The following PTTG1IP2 variants were observed in gnomAD, a reference collection of about 807,000 sequenced individuals.
The protein encoded by PTTG1IP2 is PTTG1IP family member 2.
intron 4 of PTTG1IP2, among the ~76,000 whole-genome samples, 192 bp downstream of exon 4, chr7:90,489,156 C>T (rs868051561): frequency 2.0e-4 from 30 of 151,306 alleles, no homozygotes; most frequent in African/African-American, 6.3e-4. Flanking sequence ...CTTTCTCATC[C>T]CCCACCCCAC....
chr7:90,498,096 G>A (rs1239300412), intron 6 of PTTG1IP2, among the ~76,000 whole-genome samples: 1 of 151,982 alleles, frequency 6.6e-6, no homozygotes, highest in Non-Finnish European at 1.5e-5. Context: ...CACGATCTCG[G>A]CTCACTGCAA....
chr7:90,501,738 A>G (rs1798064210), intron 6 of PTTG1IP2, among the ~76,000 whole-genome samples: 2 of 152,092 alleles, frequency 1.3e-5, no homozygotes, highest in African/African-American at 4.8e-5. Flanking sequence ...AAGTCACAAC[A>G]TTTTTTCTAG....
At chr7:90,472,087 A>G (rs535539421) in intron 1 of PTTG1IP2, among the ~76,000 whole-genome samples, 1 of 152,162 alleles carries the variant, frequency 6.6e-6, no homozygotes, top group Non-Finnish European at 1.5e-5. Context: ...ATAAAATGCC[A>G]TAAAACTGTA....
At chr7:90,471,036 C>G (rs1797679701) in intron 1 of PTTG1IP2, among the ~76,000 whole-genome samples, 1 of 151,610 alleles carries the variant, frequency 6.6e-6, no homozygotes, top group South Asian at 2.1e-4. Flanking sequence ...AGATAATCTC[C>G]AAAGATGGAA....
At chr7:90,475,765 C>G (rs1382328133) in intron 1 of PTTG1IP2, among the ~76,000 whole-genome samples, 1 of 151,968 alleles carries the variant, frequency 6.6e-6, no homozygotes, top group Non-Finnish European at 1.5e-5. Context: ...TAGAGACCAT[C>G]CTGGCCAACA....
chr7:90,479,291 A>G lies in PTTG1IP2; in HGVS notation c.192+17A>G, dbSNP rs962076102. On this transcript the variant is annotated intron_variant, in intron 2 of 6. Coordinates refer to ENST00000509356, the MANE Select transcript of PTTG1IP2 (RefSeq NM_001365443.2). ...GATAAGAAAGTAAGTTAACTTTCTT[A>G]TGAGGAAGTTGTTCTGGGAATGTTA... The G allele has an allele frequency of 6.6e-6, 1 of 152,630 alleles. No homozygotes were observed. The highest frequency in any genetic ancestry group is 2.4e-5 in the African/African-American group (1 of 41,446). 9.5% of individuals were successfully genotyped at this position (152,630 alleles called of 1,614,324 possible).
intron 2 of PTTG1IP2, among the ~76,000 whole-genome samples, chr7:90,486,857 A>G (rs1474642512): frequency 6.6e-6 from 1 of 152,236 alleles, no homozygotes; most frequent in Non-Finnish European, 1.5e-5. Context: ...GCTCTTCAGC[A>G]AAAATCCTAT....
At chr7:90,475,845 G>C (rs1242844324) in intron 1 of PTTG1IP2, among the ~76,000 whole-genome samples, 1 of 151,868 alleles carries the variant, frequency 6.6e-6, no homozygotes, top group East Asian at 1.9e-4. Flanking sequence ...TGTAGTCCCA[G>C]CTACTTGGGA....
intron 2 of PTTG1IP2, among the ~76,000 whole-genome samples, chr7:90,487,055 G>T (rs1042736144): frequency 1.3e-5 from 2 of 152,160 alleles, no homozygotes; most frequent in African/African-American, 4.8e-5. Flanking sequence ...CTGGCCTGGA[G>T]AAATAGTAAC....
intron 6 of PTTG1IP2, among the ~76,000 whole-genome samples, chr7:90,512,475 G>A (rs1456141393): frequency 1.3e-5 from 2 of 152,180 alleles, no homozygotes; most frequent in Non-Finnish European, 2.9e-5. Flanking sequence ...CCGGGTGGAG[G>A]CTCCAAGGAG....
chr7:90,480,100 G>T (rs1797799131), intron 2 of PTTG1IP2, among the ~76,000 whole-genome samples: 1 of 152,136 alleles, frequency 6.6e-6, no homozygotes, highest in African/African-American at 2.4e-5. Flanking sequence ...TCTTTATACA[G>T]TACTGGTGGG....
At chr7:90,504,654 G>C (rs1021145717) in intron 6 of PTTG1IP2, among the ~76,000 whole-genome samples, 1 of 152,138 alleles carries the variant, frequency 6.6e-6, no homozygotes, top group African/African-American at 2.4e-5. Flanking sequence ...TAGATGATCA[G>C]AAAGATCACT....
At chr7:90,503,150 C>A (rs1345953594) in intron 6 of PTTG1IP2, among the ~76,000 whole-genome samples, 1 of 152,206 alleles carries the variant, frequency 6.6e-6, no homozygotes. Context: ...GAGATGGCTT[C>A]TTTCCTTCAA....
At chr7:90,472,007 C>A (rs1428916493) in intron 1 of PTTG1IP2, among the ~76,000 whole-genome samples, 3 of 152,088 alleles carry the variant, frequency 2.0e-5, no homozygotes, top group South Asian at 2.1e-4. Context: ...GATATTCTAA[C>A]AAAGCCTGGC....
chr7:90,472,753 T>G (rs145673746), intron 1 of PTTG1IP2, among the ~76,000 whole-genome samples: 1 of 152,354 alleles, frequency 6.6e-6, no homozygotes, highest in Admixed American at 6.5e-5. Flanking sequence ...ATCTCGGTAC[T>G]AAGTTCCCAG....
At chr7:90,473,593 G>A (rs186735249) in intron 1 of PTTG1IP2, among the ~76,000 whole-genome samples, 1 of 152,286 alleles carries the variant, frequency 6.6e-6, no homozygotes, top group African/African-American at 2.4e-5. Flanking sequence ...AGCAGAAATG[G>A]GGGATTTGAC....
At chr7:90,488,072 C>T (rs900185536) in intron 3 of PTTG1IP2, among the ~76,000 whole-genome samples, 4 of 152,038 alleles carry the variant, frequency 2.6e-5, no homozygotes, top group African/African-American at 9.7e-5. Flanking sequence ...CTTACCAAGG[C>T]AGGAAAACGT....
At chr7:90,472,690 C>T (rs544037816) in intron 1 of PTTG1IP2, among the ~76,000 whole-genome samples, 3 of 152,138 alleles carry the variant, frequency 2.0e-5, no homozygotes, top group Non-Finnish European at 2.9e-5. Context: ...GGTTGGACTT[C>T]GCTTTCTTTC....
At chr7:90,483,916 C>T (rs892440511) in intron 2 of PTTG1IP2, among the ~76,000 whole-genome samples, 5 of 152,184 alleles carry the variant, frequency 3.3e-5, no homozygotes, top group African/African-American at 9.7e-5. Context: ...ACATCTTTCA[C>T]AGTCCTGGTC....
Sources: gnomAD v4.1 joint callset for allele counts (sites outside exome capture counted in the v4.1 genomes callset) on GRCh38, gnomAD v4.1.1 for gene constraint, MANE v1.5 for transcripts, NCBI Gene and HGNC (gene_info 2026-07-23, HGNC 2026-07-21) for gene names.